LRP1B: variants seen among roughly 807,000 people sequenced by gnomAD.
LRP1B encodes low-density lipoprotein receptor-related protein 1B.
Under a neutral mutation model 556.6 loss-of-function variants are expected in LRP1B, and 217 were observed. That is an observed-to-expected ratio of 0.39 (90% CI 0.35 to 0.44). The LOEUF (loss-of-function observed/expected upper bound fraction) is 0.44, where lower values mean the gene tolerates loss of function less well. Ranked by LOEUF, LRP1B falls within the 20% of genes least tolerant of loss-of-function variation. The pLI is 1.00. For synonymous variants in LRP1B, 2,047 were observed against 1,865.8 expected (o/e 1.10, Z -2.50); for missense variants, 5,053 against 5,620.8 (o/e 0.90, Z 3.23).
intron 65 of LRP1B, 84 bp from the exon 66 acceptor site, chr2:140,442,707 GAC>G: frequency 7.2e-7 from 1 of 1,381,610 alleles, no homozygotes; most frequent in Non-Finnish European, 1.0e-6. Flanking sequence ...AAATGTTTAA[GAC>G]AGTTTATCGA....
chr2:141,455,841 A>T (rs1487768140), intron 3 of LRP1B, among the ~76,000 whole-genome samples: 2 of 152,226 alleles, frequency 1.3e-5, no homozygotes, highest in African/African-American at 4.8e-5. Context: ...TTTCATCAAG[A>T]TATTATCTAT....
chr2:140,446,377 G>A (rs145081620), intron 63 of LRP1B, among the ~76,000 whole-genome samples: 149 of 152,196 alleles, frequency 9.8e-4, no homozygotes, highest in East Asian at 1.7e-3. Context: ...TGATGCCAGA[G>A]AATTTTGATG....
chr2:141,336,394 C>CT (rs1687851965), intron 3 of LRP1B, among the ~76,000 whole-genome samples: 1 of 152,170 alleles, frequency 6.6e-6, no homozygotes, highest in South Asian at 2.1e-4. Flanking sequence ...ATCTGTTCCT[C>CT]TTTCTGTATT....
At chr2:140,289,573 G>A (rs1025446048) in intron 84 of LRP1B, among the ~76,000 whole-genome samples, 19 of 150,912 alleles carry the variant, frequency 1.3e-4, no homozygotes, top group Admixed American at 4.0e-4. Flanking sequence ...AAGCACGTAC[G>A]CCTAAAATTA....
At chr2:141,334,530 G>A (rs772500398) in intron 3 of LRP1B, among the ~76,000 whole-genome samples, 3 of 152,164 alleles carry the variant, frequency 2.0e-5, no homozygotes, top group South Asian at 4.1e-4. Context: ...AGTAGTGCAA[G>A]AACAGACTAA....
intron 3 of LRP1B, among the ~76,000 whole-genome samples, chr2:141,455,162 G>T (rs919679026): frequency 2.0e-5 from 3 of 151,532 alleles, no homozygotes; most frequent in African/African-American, 7.3e-5. Flanking sequence ...TGTAGGCCTG[G>T]TCAAAAACCT....
At chr2:141,551,346 T>C (rs1037055847) in intron 2 of LRP1B, among the ~76,000 whole-genome samples, 6 of 152,020 alleles carry the variant, frequency 3.9e-5, no homozygotes, top group Non-Finnish European at 7.4e-5. Flanking sequence ...AAAAAAGAGC[T>C]TCTTCAAGCC....
intron 18 of LRP1B, among the ~76,000 whole-genome samples, chr2:140,976,347 C>T (rs1190217505): frequency 1.3e-5 from 2 of 151,902 alleles, no homozygotes; most frequent in Non-Finnish European, 2.9e-5. Context: ...AACAAGATTA[C>T]AAGAGCATTT....
chr2:141,905,453 T>G (rs1024234954), intron 1 of LRP1B, among the ~76,000 whole-genome samples: 2 of 151,800 alleles, frequency 1.3e-5, no homozygotes, highest in African/African-American at 4.8e-5. Context: ...CAACGAGGTT[T>G]TGTACTTTTT....
intron 2 of LRP1B, among the ~76,000 whole-genome samples, chr2:141,635,059 C>CACACAA (rs1163287431): frequency 9.9e-5 from 15 of 151,562 alleles, no homozygotes; most frequent in Non-Finnish European, 2.1e-4. Context: ...CACACACACA[C>CACACAA]ACACACACCA....
chr2:140,529,995 A>G lies in LRP1B; in HGVS notation c.7763-3645T>C, dbSNP rs115806414. On this transcript the variant is annotated intron_variant, in intron 47 of 90. Transcript: ENST00000389484. ...CATGTTTCTTTTCCCCAAAAAGAGAAGAAACCAAAAGCAATTCATTGCAAC... is the reference window on the plus strand; with the variant it reads ...CATGTTTCTTTTCCCCAAAAAGAGAGGAAACCAAAAGCAATTCATTGCAAC... Among the ~76,000 whole-genome samples, 394 of 152,224 alleles carry G rather than the reference A, an allele frequency of 2.6e-3. 3 individuals are homozygous for G. The highest frequency in any genetic ancestry group is 9.0e-3 in the African/African-American group (375 of 41,576).
At chr2:141,645,682 T>A (rs1348078828) in intron 2 of LRP1B, among the ~76,000 whole-genome samples, 3 of 151,872 alleles carry the variant, frequency 2.0e-5, no homozygotes, top group Admixed American at 6.6e-5. Context: ...ATCAACTGAG[T>A]ATACTATGTA....
chr2:141,026,141 C>A (rs796146702), intron 11 of LRP1B, among the ~76,000 whole-genome samples: 3 of 152,156 alleles, frequency 2.0e-5, no homozygotes, highest in South Asian at 2.1e-4. Context: ...CTCGAATATT[C>A]ATTTTAGAAC....
At chr2:140,621,063 T>C (rs1683432310) in intron 41 of LRP1B, among the ~76,000 whole-genome samples, 1 of 152,016 alleles carries the variant, frequency 6.6e-6, no homozygotes, top group South Asian at 2.1e-4. Context: ...AGTAACAGTT[T>C]TTTTAACTTT....
At chr2:140,849,019 G>T (rs991162370) in intron 29 of LRP1B, among the ~76,000 whole-genome samples, 1 of 151,788 alleles carries the variant, frequency 6.6e-6, no homozygotes, top group Non-Finnish European at 1.5e-5. Flanking sequence ...TGTTAGTCTA[G>T]GTCTGTAAAA....
chr2:140,764,798 A>C (rs1689044597), intron 35 of LRP1B, among the ~76,000 whole-genome samples: 1 of 152,138 alleles, frequency 6.6e-6, no homozygotes, highest in African/African-American at 2.4e-5. Flanking sequence ...AGTTTATATT[A>C]GCATCTATCG....
chr2:140,918,094 T>C (rs1021676646), intron 21 of LRP1B, among the ~76,000 whole-genome samples: 2 of 152,116 alleles, frequency 1.3e-5, no homozygotes, highest in African/African-American at 2.4e-5. Context: ...TTTAAATATA[T>C]GTATGATTTC....
intron 1 of LRP1B, among the ~76,000 whole-genome samples, chr2:142,049,591 CAT>C (rs1275979060): frequency 6.6e-6 from 1 of 152,086 alleles, no homozygotes; most frequent in African/African-American, 2.4e-5. Flanking sequence ...CTTCTGCTGA[CAT>C]AGTCTTTCTT....
chr2:141,491,298 A>G (rs537075747), intron 2 of LRP1B, among the ~76,000 whole-genome samples: 1 of 152,260 alleles, frequency 6.6e-6, no homozygotes, highest in South Asian at 2.1e-4. Context: ...TATAAAACAC[A>G]TGTTCCAGTC....
Sources: gnomAD v4.1 joint callset for allele counts (sites outside exome capture counted in the v4.1 genomes callset) on GRCh38, gnomAD v4.1.1 for gene constraint, MANE v1.5 for transcripts, NCBI Gene and HGNC (gene_info 2026-07-23, HGNC 2026-07-21) for gene names.